DNAH14: variants seen among roughly 807,000 people sequenced by gnomAD.
DNAH14 encodes the protein dynein axonemal heavy chain 14.
In DNAH14, 478 loss-of-function variants were observed where a neutral mutation model predicts 520.9. The observed-to-expected ratio is 0.92, with a 90% confidence interval of 0.85 to 0.99. The LOEUF (loss-of-function observed/expected upper bound fraction) is 0.99. Among genes scored for constraint, DNAH14 ranks in the 50% least tolerant of loss-of-function variants. DNAH14 has a pLI of 0.00. For missense variants in DNAH14, 4,831 were observed against 5,234.5 expected (o/e 0.92, Z 2.38); for synonymous variants, 1,581 against 1,757.2 (o/e 0.90, Z 2.51).
chr1:225,225,227 G>A (rs905779377), intron 41 of DNAH14, among the ~76,000 whole-genome samples: 4 of 152,106 alleles, frequency 2.6e-5, no homozygotes, highest in Non-Finnish European at 5.9e-5. Context: ...TAACCCTAGA[G>A]GACTAGAACC....
intron 43 of DNAH14, 134 bp from the exon 44 acceptor site, chr1:225,252,166 AC>A: frequency 1.5e-6 from 1 of 647,396 alleles, no homozygotes; most frequent in Non-Finnish European, 2.8e-6. Context: ...AGGCCTATAC[AC>A]TTGGATATAC....
chr1:225,345,487 A>G (rs1276617910), intron 69 of DNAH14, among the ~76,000 whole-genome samples: 1 of 152,258 alleles, frequency 6.6e-6, no homozygotes, highest in African/African-American at 2.4e-5. Context: ...GTGAGTTGCA[A>G]TCTATTAGTG....
intron 57 of DNAH14, among the ~76,000 whole-genome samples, chr1:225,304,666 T>C (rs886857337): frequency 6.6e-6 from 1 of 150,402 alleles, no homozygotes; most frequent in Non-Finnish European, 1.5e-5. Context: ...GAGAGTAACA[T>C]ACGGGTAAAG....
rs752259088 is a variant in DNAH14, at chr1:225,381,368, C to A, written c.12881-15C>A. ...TCTGTAAAATATCAAAATTTTATTTCTTTTTAAAATCCAGATCACGACCCC... is the reference window on the plus strand; with the variant it reads ...TCTGTAAAATATCAAAATTTTATTTATTTTTAAAATCCAGATCACGACCCC... On this transcript the variant is annotated splice_polypyrimidine_tract_variant and intron_variant, in intron 80 of 85. Coordinates refer to ENST00000682510, the MANE Select transcript of DNAH14 (RefSeq NM_001367479.1). 1.3e-6 allele frequency: 2 copies of A among 1,524,160 alleles called. No homozygotes were observed. Among genetic ancestry groups the A allele is most frequent in the African/African-American group, 1.4e-5 (1 of 71,032 alleles). The allele number at this position is 1,524,160 out of a possible 1,614,324, so 94.4% of individuals were successfully genotyped here. A position where few individuals can be genotyped will look rare whatever the true frequency, so the allele number is the denominator to read the frequency against.
chr1:225,122,109 A>G (rs957563818), intron 26 of DNAH14, among the ~76,000 whole-genome samples: 2 of 152,110 alleles, frequency 1.3e-5, no homozygotes, highest in Non-Finnish European at 2.9e-5. Flanking sequence ...CTTAGAATTG[A>G]TGATGTAATT....
intron 21 of DNAH14, among the ~76,000 whole-genome samples, chr1:225,093,125 G>C (rs1411364401): frequency 6.6e-6 from 1 of 152,062 alleles, no homozygotes; most frequent in East Asian, 1.9e-4. Flanking sequence ...TCAGGAGGAG[G>C]GACTCCTCCC....
At chr1:225,398,804 C>T in intron 85 of DNAH14, 138 bp downstream of exon 85, 1 of 1,254,956 alleles carries the variant, frequency 8.0e-7, no homozygotes. Flanking sequence ...GATTTTAAAT[C>T]TCCCAAAATA....
rs1558906002 is a variant in DNAH14 at position 225,084,815 on chromosome 1, T to TTAAAAAAAAAAA, written c.3328-728_3328-727insAAAAAAAAAAAT. 1.7e-4 allele frequency among the ~76,000 whole-genome samples: 26 copies of TTAAAAAAAAAAA among 151,270 alleles called. 1 individual carries two copies. In the East Asian group the frequency reaches 5.0e-3, roughly 29 times the overall value. ...CAAGGCTAGATTCACTTCACTGAAA[T>TTAAAAAAAAAAA]TTTGCTTTACACATTATCAGTGTCT... On this transcript the variant is annotated intron_variant, in intron 20 of 85. Transcript: ENST00000682510.
At chr1:225,182,946 G>T (rs2084221446) in intron 36 of DNAH14, among the ~76,000 whole-genome samples, 1 of 152,194 alleles carries the variant, frequency 6.6e-6, no homozygotes, top group South Asian at 2.1e-4. Flanking sequence ...CCAATTCTGT[G>T]CTGATCTGGC....
Position 225,333,412 on chromosome 1 carries a change from T to C in DNAH14, c.9986T>C (p.Leu3329Ser). 1 of 1,551,588 alleles carries C rather than the reference T, an allele frequency of 6.4e-7. No homozygotes were observed. Among genetic ancestry groups the C allele is most frequent in the Non-Finnish European group, 8.7e-7 (1 of 1,146,892 alleles). ...SGILTPEFRQ[L>S]IVNKWETFCI... ...ATTTTAACACCAGAATTTCGCCAGTTGATTGTGAATAAATGGGAGACATTC... is the reference window on the plus strand; with the variant it reads ...ATTTTAACACCAGAATTTCGCCAGTCGATTGTGAATAAATGGGAGACATTC... The change falls in exon 66 of 86, where the codon TTG (leucine) becomes TCG (serine). Residue 3329 changes from leucine to serine, a missense_variant. Transcript: ENST00000682510.
chr1:225,102,469 G>C (rs1448010415), intron 23 of DNAH14, among the ~76,000 whole-genome samples: 1 of 152,136 alleles, frequency 6.6e-6, no homozygotes, highest in Non-Finnish European at 1.5e-5. Context: ...TCACCACACT[G>C]ACTTCTACAA....
At chr1:225,335,145 G>A (rs552741968) in intron 66 of DNAH14, among the ~76,000 whole-genome samples, 6 of 141,234 alleles carry the variant, frequency 4.2e-5, no homozygotes, top group Non-Finnish European at 7.7e-5. Context: ...ATGTGCACAT[G>A]TGTACATGTG....
rs1366391149 is a variant in DNAH14 at position 224,982,454 on chromosome 1, G to A, written c.830+8301G>A. Among the ~76,000 whole-genome samples the A allele has an allele frequency of 2.0e-5, 3 of 152,192 alleles. No individual in the cohort carries two copies. In the East Asian group the frequency reaches 5.8e-4, roughly 29 times the overall value. On this transcript the variant is annotated intron_variant, in intron 8 of 85. Coordinates refer to ENST00000682510, the MANE Select transcript of DNAH14 (RefSeq NM_001367479.1). ...TGTGAGGAAAAATACAACAACTGAT[G>A]CTCCGTGTGAGGAAAAATACAACAT...
chr1:224,959,520 C>T (rs2060717002), intron 3 of DNAH14, among the ~76,000 whole-genome samples: 1 of 152,058 alleles, frequency 6.6e-6, no homozygotes, highest in South Asian at 2.1e-4. Context: ...AATATTTGTT[C>T]AATGAATGAG....
At chr1:225,209,394 G>T (rs967393636) in intron 41 of DNAH14, among the ~76,000 whole-genome samples, 1 of 152,022 alleles carries the variant, frequency 6.6e-6, no homozygotes, top group East Asian at 1.9e-4. Context: ...GATTGCTGTT[G>T]TTTGTTACTT....
intron 36 of DNAH14, among the ~76,000 whole-genome samples, chr1:225,168,566 C>T (rs559541238): frequency 7.2e-5 from 11 of 152,266 alleles, no homozygotes; most frequent in East Asian, 1.9e-4. Context: ...GCACAGCAGT[C>T]GGAGATCAAA....
chr1:224,961,734 CAG>C (rs2060858461), intron 4 of DNAH14, among the ~76,000 whole-genome samples: 1 of 152,144 alleles, frequency 6.6e-6, no homozygotes, highest in Non-Finnish European at 1.5e-5. Context: ...GGTGAGGACA[CAG>C]AGCCAAACCA....
chr1:225,335,775 G>A lies in DNAH14; in HGVS notation c.10081-1491G>A, dbSNP rs1173269806. On this transcript the variant is annotated intron_variant, in intron 66 of 85. Coordinates refer to ENST00000682510, the MANE Select transcript of DNAH14 (RefSeq NM_001367479.1). ...CATATATACATACATGTGCATATGT[G>A]CATATATTCATAAGTACATCTATGT... 7.0e-5 allele frequency among the ~76,000 whole-genome samples: 8 copies of A among 114,610 alleles called. 3 individuals carry two copies. The highest frequency in any genetic ancestry group is 1.4e-4 in the Non-Finnish European group (8 of 56,198). The allele number at this position is 114,610 out of a possible 152,430, so 75.2% of individuals were successfully genotyped here. A position where few individuals can be genotyped will look rare whatever the true frequency, so the allele number is the denominator to read the frequency against.
intron 60 of DNAH14, among the ~76,000 whole-genome samples, chr1:225,312,446 C>A (rs997403895): frequency 1.3e-5 from 2 of 152,022 alleles, no homozygotes; most frequent in African/African-American, 4.8e-5. Flanking sequence ...TTCTTTCTCT[C>A]GCCTGATTGT....
Sources: gnomAD v4.1 joint callset for allele counts (sites outside exome capture counted in the v4.1 genomes callset) on GRCh38, gnomAD v4.1.1 for gene constraint, MANE v1.5 for transcripts, NCBI Gene and HGNC (gene_info 2026-07-23, HGNC 2026-07-21) for gene names.